Variants in CTNND2 observed in about 807,000 individuals in gnomAD.
The protein encoded by CTNND2 is catenin delta 2, also known as catenin delta-2.
Under a neutral mutation model 144.4 loss-of-function variants are expected in CTNND2, and 22 were observed. The observed-to-expected ratio is 0.15, with a 90% confidence interval of 0.11 to 0.22. The LOEUF (loss-of-function observed/expected upper bound fraction) is 0.22. Ranked by LOEUF, CTNND2 falls within the 10% of genes least tolerant of loss-of-function variation. CTNND2 has a pLI of 1.00. For missense variants in CTNND2, 1,353 were observed against 1,618.8 expected, an observed-to-expected ratio of 0.84 and a Z score of 2.82; for synonymous variants, 751 against 695.6, an observed-to-expected ratio of 1.08 and a Z score of -1.25.
At chr5:11,815,223 G>C (rs1052155850) in intron 1 of CTNND2, among the ~76,000 whole-genome samples, 11 of 152,028 alleles carry the variant, frequency 7.2e-5, no homozygotes, top group Admixed American at 7.2e-4. Flanking sequence ...AAAAACCATA[G>C]AGAAATTAGA....
rs1214798361 is a variant in CTNND2, at chr5:11,020,067, G to C, written c.3000-2009C>G. 8.5e-5 allele frequency among the ~76,000 whole-genome samples: 13 copies of C among 152,274 alleles called. No homozygotes were observed. The South Asian group carries it at 1.5e-3, about 17-fold the overall frequency. On this transcript the variant is annotated intron_variant, in intron 17 of 21. Transcript: ENST00000304623. ...TCAGGGGTGGTGAGGACTTCAGTTG[G>C]TGCAGTTCATTGTGGCTGTCAACAC... is the stretch of plus-strand genomic sequence containing the variant.
intron 1 of CTNND2, among the ~76,000 whole-genome samples, chr5:11,819,990 C>T (rs1292704248): frequency 5.3e-5 from 8 of 152,170 alleles, no homozygotes; most frequent in Admixed American, 5.2e-4. Context: ...GTATTCCAAT[C>T]CCTGTCTTTC....
intron 12 of CTNND2, among the ~76,000 whole-genome samples, chr5:11,138,421 C>A (rs186013113): frequency 7.2e-5 from 11 of 152,306 alleles, no homozygotes; most frequent in Admixed American, 5.9e-4. Flanking sequence ...CAATCCCAGG[C>A]TCCCTATTTG....
At chr5:11,471,641 T>C (rs1447862219) in intron 3 of CTNND2, among the ~76,000 whole-genome samples, 1 of 152,254 alleles carries the variant, frequency 6.6e-6, no homozygotes, top group Non-Finnish European at 1.5e-5. Flanking sequence ...AGCTTGACTA[T>C]GACTTTTAAA....
intron 6 of CTNND2, among the ~76,000 whole-genome samples, chr5:11,393,675 A>T (rs1759824533): frequency 2.6e-5 from 4 of 152,158 alleles, no homozygotes; most frequent in Admixed American, 2.6e-4. Flanking sequence ...AACCTGATGG[A>T]TATCTGGTGA....
intron 11 of CTNND2, among the ~76,000 whole-genome samples, chr5:11,188,817 C>T (rs550365208): frequency 1.3e-5 from 2 of 152,224 alleles, no homozygotes; most frequent in South Asian, 4.2e-4. Flanking sequence ...CACTTAACTC[C>T]AGATTTCACG....
chr5:11,159,540 G>A (rs746559777), intron 12 of CTNND2, 36 bp downstream of exon 12: 1 of 1,538,462 alleles, frequency 6.5e-7, no homozygotes, highest in Non-Finnish European at 8.8e-7. Flanking sequence ...GCCAGGGGAA[G>A]ATGGTGGGAG....
chr5:11,285,087 C>T (rs1354614767), intron 9 of CTNND2, among the ~76,000 whole-genome samples: 2 of 152,180 alleles, frequency 1.3e-5, no homozygotes, highest in Non-Finnish European at 2.9e-5. Flanking sequence ...AGAGAACTCC[C>T]ACCTTTGATA....
intron 9 of CTNND2, among the ~76,000 whole-genome samples, chr5:11,266,257 C>T (rs1745428404): frequency 6.6e-6 from 1 of 152,180 alleles, no homozygotes; most frequent in Non-Finnish European, 1.5e-5. Context: ...ATTTATTTCC[C>T]AGAATACAGC....
At chr5:11,774,851 A>G (rs1317867926) in intron 1 of CTNND2, among the ~76,000 whole-genome samples, 1 of 152,204 alleles carries the variant, frequency 6.6e-6, no homozygotes, top group Non-Finnish European at 1.5e-5. Context: ...GCTTGTCTGC[A>G]TATGGAAGAC....
chr5:11,532,518 C>T (rs1773836561), intron 3 of CTNND2, among the ~76,000 whole-genome samples: 1 of 152,142 alleles, frequency 6.6e-6, no homozygotes, highest in Non-Finnish European at 1.5e-5. Flanking sequence ...GACCTTTGAA[C>T]TATAAAGCAA....
chr5:11,537,469 T>A (rs923988418), intron 3 of CTNND2, among the ~76,000 whole-genome samples: 2 of 152,224 alleles, frequency 1.3e-5, no homozygotes, highest in Non-Finnish European at 2.9e-5. Context: ...AGAATTTATA[T>A]ACATCGTTCA....
At chr5:11,687,006 T>C (rs1327198723) in intron 2 of CTNND2, among the ~76,000 whole-genome samples, 3 of 152,040 alleles carry the variant, frequency 2.0e-5, no homozygotes, top group African/African-American at 7.2e-5. Context: ...TTATAACTAC[T>C]TGTGCTATGA....
intron 12 of CTNND2, among the ~76,000 whole-genome samples, chr5:11,125,982 A>G (rs1324030998): frequency 6.6e-6 from 1 of 152,206 alleles, no homozygotes; most frequent in Non-Finnish European, 1.5e-5. Flanking sequence ...AGCTACAGTT[A>G]TTGAATGACT....
chr5:11,129,238 T>TATTTATATATTATATATAATATAC, intron 12 of CTNND2, among the ~76,000 whole-genome samples: 1 of 69,650 alleles, frequency 1.4e-5, no homozygotes, highest in East Asian at 4.9e-4. Flanking sequence ...ATATATTATA[T>TATTTATATATTATATATAATATAC]ATTATATATT....
At chr5:11,650,861 A>G (rs772831496) in intron 2 of CTNND2, among the ~76,000 whole-genome samples, 1 of 152,234 alleles carries the variant, frequency 6.6e-6, no homozygotes, top group Admixed American at 6.5e-5. Flanking sequence ...TATATGCATG[A>G]GCAAATAGAT....
intron 1 of CTNND2, among the ~76,000 whole-genome samples, chr5:11,830,319 G>C (rs1028665251): frequency 6.6e-6 from 1 of 152,158 alleles, no homozygotes; most frequent in Non-Finnish European, 1.5e-5. Context: ...AGAATGATAT[G>C]GTTTGATTGT....
chr5:11,600,846 C>T (rs1188978858), intron 2 of CTNND2, among the ~76,000 whole-genome samples: 1 of 151,768 alleles, frequency 6.6e-6, no homozygotes, highest in African/African-American at 2.4e-5. Flanking sequence ...GTAATGAGAG[C>T]ATTGGTGGTA....
At chr5:11,562,253 C>T (rs1386877331) in intron 3 of CTNND2, among the ~76,000 whole-genome samples, 1 of 152,176 alleles carries the variant, frequency 6.6e-6, no homozygotes, top group Non-Finnish European at 1.5e-5. Context: ...TATGAATCAA[C>T]ATCGAAATTA....
Sources: allele counts gnomAD v4.1 joint callset (sites outside exome capture counted in the v4.1 genomes callset), GRCh38; gene constraint gnomAD v4.1.1; transcripts MANE v1.5; gene names NCBI Gene and HGNC (gene_info 2026-07-23, HGNC 2026-07-21).